The following TTC6 variants were observed in gnomAD, a reference collection of about 807,000 sequenced individuals.
The protein encoded by TTC6 is tetratricopeptide repeat domain 6, also known as tetratricopeptide repeat protein 6.
In TTC6, 172 loss-of-function variants were observed where a neutral mutation model predicts 210.4. The ratio of observed to expected loss-of-function variants is 0.82; its 90% confidence interval spans 0.72 to 0.93. The LOEUF (loss-of-function observed/expected upper bound fraction) is 0.93, where lower values mean the gene tolerates loss of function less well. TTC6 is among the 40% of genes least tolerant of loss of function. TTC6 has a pLI of 0.00. For synonymous variants in TTC6, 804 were observed against 819.6 expected (o/e 0.98, Z 0.32); for missense variants, 2,414 against 2,318.1 (o/e 1.04, Z -0.85).
chr14:37,717,839 T>C (rs942704727), intron 6 of TTC6, among the ~76,000 whole-genome samples: 14 of 152,200 alleles, frequency 9.2e-5, no homozygotes, highest in African/African-American at 3.4e-4. Context: ...CCAAAACTCA[T>C]GTTGAAATTT....
intron 16 of TTC6, among the ~76,000 whole-genome samples, 191 bp downstream of exon 18, chr14:37,791,028 C>T (rs1410480888): frequency 1.3e-5 from 2 of 152,160 alleles, no homozygotes; most frequent in African/African-American, 2.4e-5. Context: ...TTCTCAACAT[C>T]TGTTTGCCTT....
intron 1 of TTC6, among the ~76,000 whole-genome samples, chr14:37,668,191 A>T (rs2095751923): frequency 6.7e-6 from 1 of 150,316 alleles, no homozygotes; most frequent in African/African-American, 2.4e-5. Context: ...CGAATTCCAA[A>T]CCGTAGATAG....
At chr14:37,817,053 G>T (rs2139460023) in intron 25 of TTC6, among the ~76,000 whole-genome samples, 1 of 152,240 alleles carries the variant, frequency 6.6e-6, no homozygotes, top group South Asian at 2.1e-4. Flanking sequence ...TCCTTGACAA[G>T]AGACAATTTC....
intron 24 of TTC6, 127 bp from the exon 27 acceptor site, chr14:37,812,187 C>T: frequency 1.1e-6 from 1 of 944,660 alleles, no homozygotes; most frequent in Non-Finnish European, 1.5e-6. Context: ...ATTATTTTGG[C>T]CATAAATTAT....
chr14:37,773,601 G>T (rs1401047679), intron 14 of TTC6, among the ~76,000 whole-genome samples: 1 of 152,060 alleles, frequency 6.6e-6, no homozygotes, highest in African/African-American at 2.4e-5. Flanking sequence ...TTTTTATTCT[G>T]TTCCATTTGT....
At chr14:37,810,046 T>G (rs1371098866) in intron 24 of TTC6, among the ~76,000 whole-genome samples, 1 of 152,230 alleles carries the variant, frequency 6.6e-6, no homozygotes, top group East Asian at 1.9e-4. Flanking sequence ...ATTTAGTAAT[T>G]TAGAAATGTA....
At chr14:37,741,487 G>A (rs1016342588) in intron 10 of TTC6, among the ~76,000 whole-genome samples, 5 of 151,666 alleles carry the variant, frequency 3.3e-5, no homozygotes, top group African/African-American at 1.2e-4. Flanking sequence ...ACAGGGTTTT[G>A]TCATGTTGGC....
At chr14:37,715,176 A>C (rs1256962568) in intron 6 of TTC6, among the ~76,000 whole-genome samples, 4 of 152,138 alleles carry the variant, frequency 2.6e-5, no homozygotes, top group Non-Finnish European at 4.4e-5. Flanking sequence ...TCTCAAAAAA[A>C]AAATTATTGA....
intron 14 of TTC6, among the ~76,000 whole-genome samples, chr14:37,767,091 T>C (rs974136873): frequency 6.6e-6 from 1 of 152,202 alleles, no homozygotes; most frequent in Non-Finnish European, 1.5e-5. Flanking sequence ...AGAATGATGA[T>C]TTCCAATTTC....
At chr14:37,601,789 G>T (rs2095616077) in intron 1 of TTC6, among the ~76,000 whole-genome samples, 1 of 152,118 alleles carries the variant, frequency 6.6e-6, no homozygotes. Flanking sequence ...TCAGCAGCTC[G>T]CTTTGCCCAT....
intron 17 of TTC6, among the ~76,000 whole-genome samples, chr14:37,794,146 G>T (rs181818359): frequency 3.4e-4 from 52 of 152,228 alleles, no homozygotes; most frequent in African/African-American, 1.1e-3. Context: ...ATGTATGGTT[G>T]GTAGAACAGG....
chr14:37,640,665 C>T (rs1019268638), intron 1 of TTC6, among the ~76,000 whole-genome samples: 10 of 152,194 alleles, frequency 6.6e-5, no homozygotes, highest in African/African-American at 2.2e-4. Flanking sequence ...GCCTCAGCCT[C>T]CCAAGTAGCT....
chr14:37,696,542 A>G (rs1179883038), intron 3 of TTC6, among the ~76,000 whole-genome samples, 175 bp from the exon 6 acceptor site: 1 of 152,114 alleles, frequency 6.6e-6, no homozygotes, highest in Admixed American at 6.6e-5. Flanking sequence ...ATAGGTATAT[A>G]TGTAAAATTT....
chr14:37,739,275 T>C, intron 10 of TTC6, 120 bp downstream of exon 12: 1 of 1,047,708 alleles, frequency 9.5e-7, no homozygotes, highest in Non-Finnish European at 1.3e-6. Context: ...AACCTTTCAC[T>C]CTTTGAAAGA....
chr14:37,709,840 G>A (rs12890074), intron 5 of TTC6, among the ~76,000 whole-genome samples: 8,720 of 151,916 alleles, frequency 0.057, 384 homozygotes, highest in Non-Finnish European at 0.09. Flanking sequence ...AAATTATAAA[G>A]GACTAAAGAA....
At chr14:37,768,443 T>G (rs1407937231) in intron 14 of TTC6, among the ~76,000 whole-genome samples, 3 of 152,130 alleles carry the variant, frequency 2.0e-5, no homozygotes, top group African/African-American at 4.8e-5. Context: ...GCATGGAATG[T>G]TCTTCCATTT....
chr14:37,678,413 C>G (rs2095775140), intron 1 of TTC6, among the ~76,000 whole-genome samples: 1 of 152,120 alleles, frequency 6.6e-6, no homozygotes, highest in Non-Finnish European at 1.5e-5. Context: ...GTTTCTTTGT[C>G]TAGCCTCATG....
chr14:37,762,645 T>G (rs1342154832), intron 14 of TTC6, among the ~76,000 whole-genome samples: 1 of 152,200 alleles, frequency 6.6e-6, no homozygotes, highest in South Asian at 2.1e-4. Flanking sequence ...ATTTTTTAAT[T>G]GGGTTGTTTT....
chr14:37,721,181 GA>G lies in TTC6; in HGVS notation c.1714-3714del, dbSNP rs1308384896. On this transcript the variant is annotated intron_variant, in intron 6 of 30. Coordinates refer to ENST00000553443, the Ensembl canonical transcript of TTC6. ...TACAATAAAAAAGCTTGTTGCAATT[GA>G]AATCTGAAACTGTATTGATGACTTT... is the stretch of plus-strand genomic sequence containing the variant. Among the ~76,000 whole-genome samples, 3 of 151,670 alleles carry G rather than the reference GA, an allele frequency of 2.0e-5. No homozygotes were observed. The East Asian group carries it at 5.8e-4, about 29-fold the overall frequency.
Sources: allele counts gnomAD v4.1 joint callset (sites outside exome capture counted in the v4.1 genomes callset), GRCh38; gene constraint gnomAD v4.1.1; transcripts MANE v1.5; gene names NCBI Gene and HGNC (gene_info 2026-07-23, HGNC 2026-07-21).